The following GRAMD2B variants were observed in gnomAD, a reference collection of about 807,000 sequenced individuals.
GRAMD2B encodes GRAM domain containing 2B, also known as GRAM domain-containing protein 2B.
GRAMD2B carries 41 observed loss-of-function variants against 59.2 expected under a neutral mutation model. The observed-to-expected ratio is 0.69, with a 90% confidence interval of 0.54 to 0.90. The LOEUF (loss-of-function observed/expected upper bound fraction) is 0.90. Ranked by LOEUF, GRAMD2B falls within the 40% of genes least tolerant of loss-of-function variation. The pLI is 0.00. For missense variants in GRAMD2B, 424 were observed against 500.5 expected, an observed-to-expected ratio of 0.85 and a Z score of 1.46; for synonymous variants, 161 against 182.7, an observed-to-expected ratio of 0.88 and a Z score of 0.96.
At chr5:126,401,131 T>C (rs1358518254) in intron 1 of GRAMD2B, among the ~76,000 whole-genome samples, 3 of 152,080 alleles carry the variant, frequency 2.0e-5, no homozygotes, top group Non-Finnish European at 4.4e-5. Context: ...TAAAATTCTT[T>C]TTTCTTTCTT....
chr5:126,416,792 T>C (rs1990911), intron 1 of GRAMD2B, among the ~76,000 whole-genome samples: 125,125 of 152,144 alleles, frequency 0.82, 51,754 homozygotes, highest in Non-Finnish European at 0.87. Flanking sequence ...CTTCCTCCTC[T>C]TCACTGAAGG....
At chr5:126,420,399 G>A (rs749102541), upstream of GRAMD2B, among the ~76,000 whole-genome samples, 6 of 152,090 alleles carry the variant, frequency 3.9e-5, no homozygotes, top group Non-Finnish European at 7.4e-5. Flanking sequence ...TTAAACGTAA[G>A]CAAACATCAG....
intron 1 of GRAMD2B, among the ~76,000 whole-genome samples, chr5:126,406,821 T>C (rs1055350807): frequency 1.3e-5 from 2 of 151,966 alleles, no homozygotes; most frequent in Non-Finnish European, 2.9e-5. Flanking sequence ...GAAAAATAGG[T>C]AAAGAAAGCA....
intron 1 of GRAMD2B, among the ~76,000 whole-genome samples, chr5:126,438,267 G>A (rs1762738969): frequency 6.6e-6 from 1 of 152,172 alleles, no homozygotes; most frequent in Non-Finnish European, 1.5e-5. Flanking sequence ...TTAGGTGAGA[G>A]AGAGCCTTGT....
intron 1 of GRAMD2B, among the ~76,000 whole-genome samples, chr5:126,375,896 A>C (rs2149697241): frequency 6.6e-6 from 1 of 152,324 alleles, no homozygotes; most frequent in African/African-American, 2.4e-5. Flanking sequence ...CCATTGAGTT[A>C]ATCCCCATTT....
At chr5:126,414,271 G>T (rs1457495224) in intron 1 of GRAMD2B, among the ~76,000 whole-genome samples, 1 of 152,114 alleles carries the variant, frequency 6.6e-6, no homozygotes, top group East Asian at 1.9e-4. Flanking sequence ...ACCAATGTCT[G>T]TCTATTTCCA....
intron 1 of GRAMD2B, among the ~76,000 whole-genome samples, chr5:126,438,747 T>G (rs1427053187): frequency 6.6e-6 from 1 of 152,128 alleles, no homozygotes; most frequent in East Asian, 1.9e-4. Context: ...ATTTGGGGAT[T>G]TTATCTGAGT....
intron 1 of GRAMD2B, among the ~76,000 whole-genome samples, chr5:126,407,472 G>A (rs369940935): frequency 9.9e-5 from 15 of 151,946 alleles, no homozygotes; most frequent in South Asian, 2.1e-4. Flanking sequence ...TAGAGCGTTC[G>A]GGGTGGCAAA....
intron 8 of GRAMD2B, among the ~76,000 whole-genome samples, chr5:126,481,370 T>C (rs1411552168): frequency 6.6e-6 from 1 of 152,192 alleles, no homozygotes; most frequent in Non-Finnish European, 1.5e-5. Context: ...GTAAGATTTG[T>C]ACCCATAATG....
chr5:126,373,913 A>G (rs1184889401), intron 1 of GRAMD2B, among the ~76,000 whole-genome samples: 1 of 152,214 alleles, frequency 6.6e-6, no homozygotes, highest in Middle Eastern at 3.2e-3. Context: ...AAGGGGGGTT[A>G]GAGTTCTATT....
chr5:126,412,743 C>T (rs547136849), intron 1 of GRAMD2B, among the ~76,000 whole-genome samples: 46 of 152,062 alleles, frequency 3.0e-4, no homozygotes, highest in Admixed American at 1.2e-3. Flanking sequence ...TGATCCAGGG[C>T]TTTCTCTGAT....
At chr5:126,395,236 A>G (rs1218802718) in intron 1 of GRAMD2B, among the ~76,000 whole-genome samples, 1 of 152,264 alleles carries the variant, frequency 6.6e-6, no homozygotes, top group Admixed American at 6.5e-5. Context: ...TTAAATTAAT[A>G]CACAAAACTG....
intron 1 of GRAMD2B, among the ~76,000 whole-genome samples, chr5:126,390,768 T>C (rs1016868713): frequency 1.2e-4 from 18 of 152,220 alleles, no homozygotes; most frequent in African/African-American, 4.3e-4. Flanking sequence ...AGATGTCTTC[T>C]GTGTGCCAGA....
rs1760098156 is a variant in GRAMD2B at position 126,423,819 on chromosome 5, C to CT, written c.83+131dup. On this transcript the variant is annotated intron_variant, in intron 1 of 13. Transcript: ENST00000285689. Reference sequence around the variant, plus strand: ...TATATGGACAATCTTGTGGCGCGCTCTCTCTGTCTCTCACTCTCTCTCTCT... The same window carrying CT: ...TATATGGACAATCTTGTGGCGCGCTCTTCTCTGTCTCTCACTCTCTCTCTCT... The CT allele has an allele frequency of 5.3e-5, 39 of 732,612 alleles. No homozygotes were observed. The East Asian group carries it at 1.2e-3, about 23-fold the overall frequency. 45.4% of individuals were successfully genotyped at this position (732,612 alleles called of 1,614,324 possible).
At chr5:126,404,425 T>G (rs1347584350) in intron 1 of GRAMD2B, among the ~76,000 whole-genome samples, 2 of 151,794 alleles carry the variant, frequency 1.3e-5, no homozygotes, top group Admixed American at 1.3e-4. Flanking sequence ...AGAAAGTCAG[T>G]GCATGCTTGA....
At chr5:126,488,141 T>C (rs1362536218) in intron 12 of GRAMD2B, among the ~76,000 whole-genome samples, 2 of 152,198 alleles carry the variant, frequency 1.3e-5, no homozygotes, top group Non-Finnish European at 2.9e-5. Context: ...GACCCATAAA[T>C]ATACACTTGA....
intron 1 of GRAMD2B, among the ~76,000 whole-genome samples, chr5:126,386,786 G>A (rs146753768): frequency 1.2e-4 from 19 of 152,204 alleles, no homozygotes; most frequent in Non-Finnish European, 2.5e-4. Flanking sequence ...TAGCTTATTG[G>A]ACTATTCTGA....
intron 1 of GRAMD2B, among the ~76,000 whole-genome samples, chr5:126,434,505 C>CT (rs930458101): frequency 2.0e-5 from 3 of 146,924 alleles, no homozygotes; most frequent in Admixed American, 6.6e-5. Flanking sequence ...GACAATTATC[C>CT]TTTTTTTTAT....
chr5:126,439,502 T>G (rs576615288), intron 1 of GRAMD2B, among the ~76,000 whole-genome samples: 1 of 152,074 alleles, frequency 6.6e-6, no homozygotes, highest in Non-Finnish European at 1.5e-5. Flanking sequence ...AATTTTTATA[T>G]TTTTGTAGAG....
Sources: gnomAD v4.1 joint callset for allele counts (sites outside exome capture counted in the v4.1 genomes callset) on GRCh38, gnomAD v4.1.1 for gene constraint, MANE v1.5 for transcripts, NCBI Gene and HGNC (gene_info 2026-07-23, HGNC 2026-07-21) for gene names.